Variants in KIAA0319L observed in about 807,000 individuals in gnomAD.
The protein encoded by KIAA0319L is KIAA0319 like.
In KIAA0319L, 55 loss-of-function variants were observed where a neutral mutation model predicts 120.1. That is an observed-to-expected ratio of 0.46 (90% CI 0.37 to 0.57). KIAA0319L has a LOEUF of 0.57. Among genes scored for constraint, KIAA0319L ranks in the 20% least tolerant of loss-of-function variants. The probability of loss-of-function intolerance (pLI) is 0.00; values close to 1 mark genes in which losing one functional copy is unlikely to be tolerated. For missense variants in KIAA0319L, 1,049 were observed against 1,255.3 expected (o/e 0.84, Z 2.48); for synonymous variants, 398 against 471.9 (o/e 0.84, Z 2.03).
chr1:35,470,940 A>C lies in KIAA0319L; in HGVS notation c.1036T>G (p.Trp346Gly). Residue 346 changes from tryptophan to glycine, a missense_variant, in exon 6 of 21, where the codon TGG becomes GGG. By Grantham distance (184) the Trp-to-Gly change is radical. Transcript: ENST00000325722. ...PPKGETYTYD[W>G]QLITHPRDYS... ...TCTCTAGGATGAGTAATCAGCTGCCAGTCGTAGGTGTAGGTTTCTCCTATA... is the reference window on the plus strand; with the variant it reads ...TCTCTAGGATGAGTAATCAGCTGCCCGTCGTAGGTGTAGGTTTCTCCTATA... 6.2e-7 allele frequency: 1 copy of C among 1,611,374 alleles called. No homozygotes were observed. Among genetic ancestry groups the C allele is most frequent in the Non-Finnish European group, 8.5e-7 (1 of 1,177,468 alleles).
At chr1:35,493,850 A>C (rs987427483) in intron 3 of KIAA0319L, among the ~76,000 whole-genome samples, 1 of 144,214 alleles carries the variant, frequency 6.9e-6, no homozygotes, top group Non-Finnish European at 1.5e-5. Flanking sequence ...ATCTCAAACA[A>C]ACAAACAAAC....
At chr1:35,478,398 A>C (rs1643999748) in intron 4 of KIAA0319L, among the ~76,000 whole-genome samples, 1 of 152,154 alleles carries the variant, frequency 6.6e-6, no homozygotes, top group Admixed American at 6.5e-5. Flanking sequence ...GCACATTTTA[A>C]AATAACTAAA....
chr1:35,527,249 A>G (rs1357327268), intron 2 of KIAA0319L, among the ~76,000 whole-genome samples: 1 of 152,000 alleles, frequency 6.6e-6, no homozygotes, highest in Non-Finnish European at 1.5e-5. Context: ...CCACTTGATC[A>G]TGAAGTATCT....
chr1:35,470,492 CAAA>C (rs34215571), intron 6 of KIAA0319L, among the ~76,000 whole-genome samples: 11 of 73,398 alleles, frequency 1.5e-4, no homozygotes, highest in Admixed American at 5.0e-4. Flanking sequence ...GACCCTGTCT[CAAA>C]AAAAAAAAAA....
chr1:35,524,469 G>C (rs1646043085), intron 2 of KIAA0319L, among the ~76,000 whole-genome samples: 1 of 152,150 alleles, frequency 6.6e-6, no homozygotes, highest in Admixed American at 6.5e-5. Context: ...ATTACTCTAA[G>C]GCCCAAGTGA....
chr1:35,437,218 T>C lies in KIAA0319L; in HGVS notation c.2963-2137A>G, dbSNP rs528639980. ...GTGCTGAGCTCAGGCTCCCATCCAA[T>C]CTCACCTCTGCAGCGCGGCACTTCT... On this transcript the variant is annotated intron_variant, in intron 20 of 20. Transcript: ENST00000325722. This position sits in a 1 kb window ranked among gnomAD's most constrained non-coding sequence, Gnocchi z 4.1. Among the ~76,000 whole-genome samples, 42 of 152,208 alleles carry C rather than the reference T, an allele frequency of 2.8e-4. No individual in the cohort carries two copies. Among genetic ancestry groups the C allele is most frequent in the Admixed American group, 9.2e-4 (14 of 15,292 alleles).
chr1:35,472,786 C>A (rs928306849), intron 5 of KIAA0319L, among the ~76,000 whole-genome samples: 1 of 139,216 alleles, frequency 7.2e-6, no homozygotes, highest in African/African-American at 2.6e-5. Context: ...ATCTATTTCC[C>A]TTTTTTTTTT....
chr1:35,484,771 T>C (rs1644300158), intron 3 of KIAA0319L, among the ~76,000 whole-genome samples: 1 of 19,974 alleles, frequency 5.0e-5, no homozygotes, highest in Non-Finnish European at 7.9e-5. Flanking sequence ...TTTAATCATA[T>C]ATATATATAT....
At chr1:35,449,048 T>G (rs1641850399) in intron 15 of KIAA0319L, among the ~76,000 whole-genome samples, 1 of 152,254 alleles carries the variant, frequency 6.6e-6, no homozygotes, top group South Asian at 2.1e-4. Flanking sequence ...TTCTGATGTA[T>G]AATTTGCATA....
intron 2 of KIAA0319L, among the ~76,000 whole-genome samples, chr1:35,514,237 T>C (rs961064125): frequency 6.6e-6 from 1 of 152,002 alleles, no homozygotes; most frequent in African/African-American, 2.4e-5. Flanking sequence ...AATATAAAAG[T>C]GCACACATAG....
At chr1:35,439,242 T>A (rs1193157594) in intron 20 of KIAA0319L, 1 of 152,250 alleles carries the variant, frequency 6.6e-6, no homozygotes, top group Non-Finnish European at 1.5e-5. Flanking sequence ...CCAGTTTTGT[T>A]CCTTTGCCTG....
At position 35,462,646 on chromosome 1, in the gene KIAA0319L, G is replaced by C; in HGVS notation, c.1269C>G (p.Thr423=). Residue 423 remains threonine (T), a synonymous_variant, in exon 8 of 21, where the codon ACC becomes ACG. Transcript: ENST00000325722. ...GACTGCCATCAATGACTGTAGAAGTGGTTGGCAAAGAGATCTCCTGGAACT... is the reference window on the plus strand; with the variant it reads ...GACTGCCATCAATGACTGTAGAAGTCGTTGGCAAAGAGATCTCCTGGAACT... ...SPQFQEISLP[T]TSTVIDGSQS... is the part of the protein sequence containing the mutation. The C allele has an allele frequency of 6.2e-7, 1 of 1,613,578 alleles. No homozygotes were observed. Among genetic ancestry groups the C allele is most frequent in the South Asian group, 1.1e-5 (1 of 91,078 alleles).
chr1:35,468,262 T>C (rs1463282602), intron 6 of KIAA0319L, among the ~76,000 whole-genome samples: 2 of 152,124 alleles, frequency 1.3e-5, no homozygotes, highest in Non-Finnish European at 2.9e-5. Context: ...TGGCTTTTAC[T>C]TCTGTGCTCA....
At chr1:35,519,492 ATTATT>A (rs1205593690) in intron 2 of KIAA0319L, among the ~76,000 whole-genome samples, 1 of 152,128 alleles carries the variant, frequency 6.6e-6, no homozygotes, top group Non-Finnish European at 1.5e-5. Context: ...AAACACCCAA[ATTATT>A]TATCTTCCTG....
chr1:35,486,215 T>A (rs1420014902), intron 3 of KIAA0319L, among the ~76,000 whole-genome samples: 1 of 151,922 alleles, frequency 6.6e-6, no homozygotes, highest in East Asian at 1.9e-4. Flanking sequence ...AGACCCCGTG[T>A]CTACAAAAAA....
chr1:35,477,616 G>A (rs1009309720), intron 4 of KIAA0319L, among the ~76,000 whole-genome samples: 20 of 145,560 alleles, frequency 1.4e-4, no homozygotes, highest in East Asian at 4.2e-4. Flanking sequence ...GCAGTGAGCC[G>A]AGATTGCGCC....
In KIAA0319L at chr1:35,506,455, A is replaced by C. The variant is rs1270178453; in HGVS notation, c.666+157T>G. Among the ~76,000 whole-genome samples the C allele has an allele frequency of 6.6e-6, 1 of 152,238 alleles. No homozygotes were observed. Among genetic ancestry groups the C allele is most frequent in the Non-Finnish European group, 1.5e-5 (1 of 68,040 alleles). On this transcript the variant is annotated intron_variant, in intron 3 of 20. Transcript: ENST00000325722. The surrounding 1 kb of genome is among the most constrained non-coding windows in gnomAD (Gnocchi z 4.0). ...TCTAGGGTCAAATTACCCTTTGTACATCTGGGCAGCACCAAAGAAGCTGAC... is the reference window on the plus strand; with the variant it reads ...TCTAGGGTCAAATTACCCTTTGTACCTCTGGGCAGCACCAAAGAAGCTGAC...
At chr1:35,473,112 T>TTTTTTTTTTTTTTTTTTTTG in intron 5 of KIAA0319L, among the ~76,000 whole-genome samples, 1 of 126,144 alleles carries the variant, frequency 7.9e-6, no homozygotes, top group Non-Finnish European at 1.7e-5. Context: ...TTCTTTTTTT[T>TTTTTTTTTTTTTTTTTTTTG]TGAGACAGAG....
chr1:35,552,240 G>C (rs142691152), intron 2 of KIAA0319L, among the ~76,000 whole-genome samples: 2 of 152,150 alleles, frequency 1.3e-5, no homozygotes, highest in Non-Finnish European at 2.9e-5. Context: ...TATTCGGGAG[G>C]CTGACGCAGG....
Sources: gnomAD v4.1 joint callset for allele counts (sites outside exome capture counted in the v4.1 genomes callset) on GRCh38, gnomAD v4.1.1 for gene constraint, Gnocchi (gnomAD v3.1) non-coding constraint, MANE v1.5 for transcripts, NCBI Gene and HGNC (gene_info 2026-07-23, HGNC 2026-07-21) for gene names.